Variants in KAT2B observed in about 807,000 individuals in gnomAD.
The protein encoded by KAT2B is histone acetyltransferase KAT2B.
A neutral mutation model predicts 105.9 loss-of-function variants in KAT2B; 36 were observed. The observed-to-expected ratio is 0.34, with a 90% CI of 0.26 to 0.45. KAT2B has a LOEUF of 0.45. Ranked by LOEUF, KAT2B falls within the 20% of genes least tolerant of loss-of-function variation. The probability of loss-of-function intolerance (pLI) is 1.00; values close to 1 mark genes in which losing one functional copy is unlikely to be tolerated. For missense variants in KAT2B, 820 were observed against 1,021.6 expected (o/e 0.80, Z 2.69); for synonymous variants, 397 against 377.9 (o/e 1.05, Z -0.59).
chr3:20,094,955 C>T (rs1353105562), intron 2 of KAT2B, among the ~76,000 whole-genome samples: 1 of 152,064 alleles, frequency 6.6e-6, no homozygotes, highest in Non-Finnish European at 1.5e-5. Flanking sequence ...GAAGTTGACC[C>T]TATTAGGACC....
At chr3:20,044,916 T>C (rs1447151208) in intron 1 of KAT2B, among the ~76,000 whole-genome samples, 1 of 152,252 alleles carries the variant, frequency 6.6e-6, no homozygotes, top group Admixed American at 6.5e-5. Flanking sequence ...ATGTTAGCAG[T>C]TGTGGAATTT....
At chr3:20,114,859 A>G (rs752138277) in intron 6 of KAT2B, 23 bp from the exon 7 acceptor site, 2 of 1,332,666 alleles carry the variant, frequency 1.5e-6, no homozygotes, top group South Asian at 1.2e-5. Context: ...TTTTAATCTT[A>G]TTGCTATTAC....
In KAT2B at chr3:20,107,408, A is replaced by T. The variant is rs535760373; in HGVS notation, c.852-4188A>T. Reference sequence around the variant, plus strand: ...AGCGGTGGCCCACGCCAGTAATCCTAGCACTTTGGGAGGCCAAGGCGGATG... The same window carrying T: ...AGCGGTGGCCCACGCCAGTAATCCTTGCACTTTGGGAGGCCAAGGCGGATG... On this transcript the variant is annotated intron_variant, in intron 5 of 17. Coordinates refer to ENST00000263754, the MANE Select transcript of KAT2B (RefSeq NM_003884.5). Among the ~76,000 whole-genome samples the T allele has an allele frequency of 2.0e-5, 3 of 151,906 alleles. No individual in the cohort carries two copies. In the East Asian group the frequency reaches 5.9e-4, roughly 30 times the overall value.
At chr3:20,066,749 A>T (rs7642107) in intron 1 of KAT2B, among the ~76,000 whole-genome samples, 29,231 of 146,830 alleles carry the variant, frequency 0.2, 2,974 homozygotes, top group East Asian at 0.44. Context: ...GCACCGCATT[A>T]AAAAAAAAAA....
intron 11 of KAT2B, among the ~76,000 whole-genome samples, chr3:20,134,806 A>C (rs9861831): frequency 1.4e-4 from 22 of 152,174 alleles, no homozygotes; most frequent in African/African-American, 5.1e-4. Context: ...AAGTCACATA[A>C]GTAATTTCAA....
In KAT2B at chr3:20,111,882, G is replaced by A; in HGVS notation, c.1043+95G>A. On this transcript the variant is annotated intron_variant, in intron 6 of 17. Transcript: ENST00000263754. ...CTGCATAAATAACAAGATCGGAAAT[G>A]ACAGAAGAAACATTCCAAGGGGATG... is the stretch of plus-strand genomic sequence containing the variant. The A allele has an allele frequency of 6.1e-6, 6 of 986,300 alleles. No individual in the cohort carries two copies. The South Asian group carries it at 6.6e-5, about 11-fold the overall frequency. 61.1% of individuals were successfully genotyped at this position (986,300 alleles called of 1,614,324 possible).
intron 2 of KAT2B, among the ~76,000 whole-genome samples, chr3:20,075,701 G>A (rs1698405742): frequency 6.6e-6 from 1 of 152,066 alleles, no homozygotes; most frequent in Non-Finnish European, 1.5e-5. Flanking sequence ...TGCAAGGTTT[G>A]GGGAAGGGGA....
intron 1 of KAT2B, among the ~76,000 whole-genome samples, chr3:20,061,908 TA>T (rs1184053928): frequency 2.8e-5 from 3 of 107,260 alleles, no homozygotes; most frequent in African/African-American, 3.7e-5. Context: ...ATATTATATA[TA>T]AAATATGTAT....
chr3:20,044,748 A>T (rs1482936526), intron 1 of KAT2B, among the ~76,000 whole-genome samples: 1 of 152,090 alleles, frequency 6.6e-6, no homozygotes, highest in Non-Finnish European at 1.5e-5. Flanking sequence ...AAATTATCCA[A>T]ATTCATCTGT....
intron 1 of KAT2B, among the ~76,000 whole-genome samples, chr3:20,048,393 AT>A (rs1697852959): frequency 6.6e-6 from 1 of 152,234 alleles, no homozygotes; most frequent in African/African-American, 2.4e-5. Context: ...GTGCTTGGAA[AT>A]AGCGATTTGT....
intron 12 of KAT2B, 116 bp from the exon 13 acceptor site, chr3:20,140,105 A>G (rs1699671215): frequency 1.5e-6 from 1 of 682,172 alleles, no homozygotes; most frequent in South Asian, 1.8e-5. Context: ...AGAATAGTAC[A>G]ATGAGAACTT....
intron 11 of KAT2B, among the ~76,000 whole-genome samples, chr3:20,136,439 G>A (rs999895402): frequency 6.6e-6 from 1 of 152,144 alleles, no homozygotes; most frequent in Non-Finnish European, 1.5e-5. Flanking sequence ...CTATGTATGT[G>A]ATGATTCAGT....
intron 11 of KAT2B, among the ~76,000 whole-genome samples, chr3:20,131,261 T>G (rs1699506964): frequency 6.6e-6 from 1 of 151,970 alleles, no homozygotes; most frequent in Non-Finnish European, 1.5e-5. Flanking sequence ...GGTGATCGCC[T>G]GCTTCGGCCT....
intron 7 of KAT2B, among the ~76,000 whole-genome samples, chr3:20,116,751 C>T (rs1699214250): frequency 6.6e-6 from 1 of 152,068 alleles, no homozygotes. Context: ...GGTATCTAAG[C>T]CTTTTCACAA....
chr3:20,125,832 C>A, intron 9 of KAT2B, 73 bp from the exon 10 acceptor site: 1 of 1,215,020 alleles, frequency 8.2e-7, no homozygotes, highest in Non-Finnish European at 1.2e-6. Flanking sequence ...AGATGAGAAG[C>A]TTGGATGTGT....
Position 20,042,019 on chromosome 3 carries a change from A to G in KAT2B, c.303+1239A>G, listed in dbSNP as rs561415738. Among the ~76,000 whole-genome samples, 13 of 152,264 alleles carry G rather than the reference A, an allele frequency of 8.5e-5. No individual in the cohort carries two copies. In the South Asian group the frequency reaches 2.1e-3, roughly 24 times the overall value. On this transcript the variant is annotated intron_variant, in intron 1 of 17. Transcript: ENST00000263754. ...TGTATCCTACACTGGTTCAATAAAT[A>G]TTTGTTGAGTGAATGTAGGATCTAG...
intron 7 of KAT2B, among the ~76,000 whole-genome samples, chr3:20,117,183 A>T (rs1699221335): frequency 6.6e-6 from 1 of 152,086 alleles, no homozygotes; most frequent in African/African-American, 2.4e-5. Flanking sequence ...CAGGATGGAG[A>T]AGGAAGAGGT....
At chr3:20,081,521 C>T (rs1698518750) in intron 2 of KAT2B, among the ~76,000 whole-genome samples, 1 of 152,244 alleles carries the variant, frequency 6.6e-6, no homozygotes, top group African/African-American at 2.4e-5. Flanking sequence ...AGCCTCCCCT[C>T]GTCCCCTCAC....
In KAT2B at chr3:20,072,471, A is replaced by C; in HGVS notation, c.430+12A>C. On this transcript the variant is annotated intron_variant, in intron 2 of 17. Coordinates refer to ENST00000263754, the MANE Select transcript of KAT2B (RefSeq NM_003884.5). ...TAGCCATGCCCTAGGTGAGTTCCTA[A>C]ATCTTCAAGGAAAGTATAACGAGTT... 1 of 1,612,228 alleles carries C rather than the reference A, an allele frequency of 6.2e-7. No individual in the cohort carries two copies. The highest frequency in any genetic ancestry group is 1.1e-5 in the South Asian group (1 of 91,014).
Sources: gnomAD v4.1 joint callset for allele counts (sites outside exome capture counted in the v4.1 genomes callset) on GRCh38, gnomAD v4.1.1 for gene constraint, MANE v1.5 for transcripts, NCBI Gene and HGNC (gene_info 2026-07-23, HGNC 2026-07-21) for gene names.